Variants in AGBL4 observed in about 807,000 individuals in gnomAD.
The protein encoded by AGBL4 is AGBL carboxypeptidase 4.
A neutral mutation model predicts 66.4 loss-of-function variants in AGBL4; 58 were observed. The ratio of observed to expected loss-of-function variants is 0.87; its 90% CI spans 0.71 to 1.09. The LOEUF (loss-of-function observed/expected upper bound fraction) is 1.09, where lower values mean the gene tolerates loss of function less well. Among genes scored for constraint, AGBL4 ranks in the 50% least tolerant of loss-of-function variants. The probability of loss-of-function intolerance (pLI) is 0.00; values close to 1 mark genes in which losing one functional copy is unlikely to be tolerated. For missense variants in AGBL4, 579 were observed against 631.0 expected (o/e 0.92, Z 0.88); for synonymous variants, 234 against 222.9 (o/e 1.05, Z -0.44).
At chr1:48,660,349 A>G (rs1315212622) in intron 7 of AGBL4, among the ~76,000 whole-genome samples, 1 of 152,216 alleles carries the variant, frequency 6.6e-6, no homozygotes, top group African/African-American at 2.4e-5. Context: ...CCGGCTTCAC[A>G]TGCCTGTTCC....
intron 5 of AGBL4, among the ~76,000 whole-genome samples, chr1:48,959,904 T>C (rs575559052): frequency 6.6e-6 from 1 of 152,294 alleles, no homozygotes; most frequent in African/African-American, 2.4e-5. Context: ...AAGAAGACTT[T>C]CATGTTGTTT....
intron 3 of AGBL4, among the ~76,000 whole-genome samples, chr1:49,489,544 T>A (rs1195962039): frequency 1.3e-5 from 2 of 151,922 alleles, no homozygotes; most frequent in African/African-American, 2.4e-5. Flanking sequence ...ATTGATGTGA[T>A]CCAATTTGTC....
At chr1:49,954,389 T>C (rs1168056985) in intron 1 of AGBL4, among the ~76,000 whole-genome samples, 1 of 151,930 alleles carries the variant, frequency 6.6e-6, no homozygotes, top group Non-Finnish European at 1.5e-5. Context: ...ATTAATGTCA[T>C]TATCATGGGA....
At chr1:49,125,658 T>C (rs912824359) in intron 4 of AGBL4, among the ~76,000 whole-genome samples, 2 of 152,174 alleles carry the variant, frequency 1.3e-5, no homozygotes, top group Non-Finnish European at 2.9e-5. Flanking sequence ...ACATTATAGA[T>C]TACAAAACAC....
At chr1:49,572,360 C>A (rs1254558782) in intron 3 of AGBL4, among the ~76,000 whole-genome samples, 1 of 152,102 alleles carries the variant, frequency 6.6e-6, no homozygotes, top group Non-Finnish European at 1.5e-5. Context: ...ACATACAATT[C>A]TTTGCATTTA....
intron 3 of AGBL4, among the ~76,000 whole-genome samples, chr1:49,425,204 C>T (rs1256397211): frequency 6.6e-6 from 1 of 152,032 alleles, no homozygotes; most frequent in Non-Finnish European, 1.5e-5. Context: ...CATAATAATT[C>T]TAAAATTTTA....
At chr1:49,804,222 C>T (rs1427235492) in intron 2 of AGBL4, among the ~76,000 whole-genome samples, 1 of 152,162 alleles carries the variant, frequency 6.6e-6, no homozygotes, top group Non-Finnish European at 1.5e-5. Flanking sequence ...GTGTCCAACC[C>T]TTTGAATGCG....
At chr1:49,419,588 T>C (rs779916579) in intron 3 of AGBL4, among the ~76,000 whole-genome samples, 3 of 152,158 alleles carry the variant, frequency 2.0e-5, no homozygotes, top group Non-Finnish European at 4.4e-5. Context: ...ACAAATGAAA[T>C]CTCAAGTAGT....
chr1:49,197,943 C>T (rs1275404946), intron 4 of AGBL4, among the ~76,000 whole-genome samples: 1 of 152,178 alleles, frequency 6.6e-6, no homozygotes, highest in Non-Finnish European at 1.5e-5. Flanking sequence ...GCTGCTGCTG[C>T]TAGGTCATAG....
chr1:48,755,272 C>T (rs1557950928), intron 6 of AGBL4, among the ~76,000 whole-genome samples: 1 of 152,170 alleles, frequency 6.6e-6, no homozygotes, highest in Non-Finnish European at 1.5e-5. Context: ...CTGCTCTCCA[C>T]TACCATCTAC....
chr1:49,089,663 T>C (rs1644968803), intron 4 of AGBL4, among the ~76,000 whole-genome samples: 1 of 152,060 alleles, frequency 6.6e-6, no homozygotes, highest in Admixed American at 6.6e-5. Flanking sequence ...TTCTACCAGA[T>C]GTATAAAGAA....
chr1:49,739,515 G>A (rs1337399257), intron 2 of AGBL4, among the ~76,000 whole-genome samples: 3 of 152,160 alleles, frequency 2.0e-5, no homozygotes, highest in African/African-American at 7.2e-5. Flanking sequence ...CCCCAATCTA[G>A]CAAGGCAGGC....
chr1:49,295,493 T>C (rs1644624782), intron 3 of AGBL4, among the ~76,000 whole-genome samples: 1 of 152,148 alleles, frequency 6.6e-6, no homozygotes, highest in Admixed American at 6.5e-5. Context: ...ACAGAAAAAC[T>C]GTGAATATAG....
intron 6 of AGBL4, among the ~76,000 whole-genome samples, chr1:48,861,410 TCA>T (rs1647457735): frequency 1.3e-5 from 2 of 152,042 alleles, no homozygotes; most frequent in Non-Finnish European, 2.9e-5. Flanking sequence ...AAAAGTATAC[TCA>T]GAGTATCAAG....
At chr1:48,909,738 C>T (rs1342758904) in intron 5 of AGBL4, among the ~76,000 whole-genome samples, 3 of 152,256 alleles carry the variant, frequency 2.0e-5, no homozygotes, top group Non-Finnish European at 4.4e-5. Flanking sequence ...GAAATACGTA[C>T]GAAACATACA....
intron 5 of AGBL4, among the ~76,000 whole-genome samples, chr1:48,897,053 G>A (rs1217489583): frequency 1.3e-5 from 2 of 152,186 alleles, no homozygotes; most frequent in African/African-American, 4.8e-5. Flanking sequence ...CTGAGGTAAT[G>A]TATAACATAT....
intron 5 of AGBL4, among the ~76,000 whole-genome samples, chr1:48,933,654 G>A (rs914745476): frequency 3.9e-5 from 6 of 152,058 alleles, no homozygotes; most frequent in African/African-American, 1.2e-4. Flanking sequence ...TCTAACCTTC[G>A]GTTTCCAGCC....
chr1:49,489,217 G>C (rs1020665644), intron 3 of AGBL4, among the ~76,000 whole-genome samples: 1 of 151,716 alleles, frequency 6.6e-6, no homozygotes, highest in Non-Finnish European at 1.5e-5. Flanking sequence ...TTGGATAAAA[G>C]CCATTTTAAC....
At chr1:49,316,518 G>A (rs1455430389) in intron 3 of AGBL4, among the ~76,000 whole-genome samples, 3 of 151,784 alleles carry the variant, frequency 2.0e-5, no homozygotes, top group Non-Finnish European at 4.4e-5. Context: ...ATGAACGAGA[G>A]TTGCAAAGCA....
Sources: gnomAD v4.1 joint callset for allele counts (sites outside exome capture counted in the v4.1 genomes callset) on GRCh38, gnomAD v4.1.1 for gene constraint, MANE v1.5 for transcripts, NCBI Gene and HGNC (gene_info 2026-07-23, HGNC 2026-07-21) for gene names.